The following TTC7B variants were observed in gnomAD, a reference collection of about 807,000 sequenced individuals.
The protein encoded by TTC7B is tetratricopeptide repeat domain 7B.
In TTC7B, 28 loss-of-function variants were observed where a neutral mutation model predicts 106.8. That is an observed-to-expected ratio of 0.26 (90% CI 0.19 to 0.36). TTC7B has a LOEUF of 0.36. TTC7B is among the 10% of genes least tolerant of loss of function. The pLI, the probability that TTC7B is intolerant of heterozygous loss-of-function variation, is 1.00. For synonymous variants in TTC7B, 405 were observed against 430.6 expected (o/e 0.94, Z 0.74); for missense variants, 862 against 1,076.4 (o/e 0.80, Z 2.79).
chr14:90,550,406 C>A (rs1412902951), intron 19 of TTC7B, among the ~76,000 whole-genome samples: 3 of 151,472 alleles, frequency 2.0e-5, no homozygotes, highest in Non-Finnish European at 4.4e-5. Flanking sequence ...GCACACATCC[C>A]CCTTTTGTGA....
intron 4 of TTC7B, among the ~76,000 whole-genome samples, chr14:90,735,418 G>T (rs1889480235): frequency 6.6e-6 from 1 of 151,618 alleles, no homozygotes; most frequent in South Asian, 2.1e-4. Context: ...GAGGCGGAAG[G>T]ATTGCTTAAG....
In TTC7B at chr14:90,586,965, A is replaced by G. The variant is rs888133416; in HGVS notation, c.2107+6521T>C. 2.6e-5 allele frequency among the ~76,000 whole-genome samples: 4 copies of G among 151,758 alleles called. No homozygotes were observed. The East Asian group carries it at 7.7e-4, about 29-fold the overall frequency. On this transcript the variant is annotated intron_variant, in intron 18 of 19. Coordinates refer to ENST00000328459, the MANE Select transcript of TTC7B (RefSeq NM_001010854.2). ...CTTTTCCTTCACCCCTCAACATCCAACCTACAACAAGTCCCATCAGTTCTG... is the reference window on the plus strand; with the variant it reads ...CTTTTCCTTCACCCCTCAACATCCAGCCTACAACAAGTCCCATCAGTTCTG...
chr14:90,627,349 A>G (rs1449461831), intron 15 of TTC7B, among the ~76,000 whole-genome samples: 4 of 152,104 alleles, frequency 2.6e-5, no homozygotes, highest in African/African-American at 9.7e-5. Flanking sequence ...AGGCTGGCAC[A>G]TCCGGGACAC....
intron 16 of TTC7B, among the ~76,000 whole-genome samples, chr14:90,612,438 A>C (rs546819776): frequency 6.6e-6 from 1 of 152,346 alleles, no homozygotes; most frequent in Non-Finnish European, 1.5e-5. Context: ...AATACAGTGA[A>C]ACGATGACAT....
chr14:90,680,688 T>C (rs976336316), intron 7 of TTC7B, among the ~76,000 whole-genome samples, 153 bp from the exon 8 acceptor site: 3 of 152,238 alleles, frequency 2.0e-5, no homozygotes, highest in Admixed American at 6.5e-5. Context: ...CCTATTTCTA[T>C]GGTAATCTAT....
intron 15 of TTC7B, among the ~76,000 whole-genome samples, chr14:90,631,562 C>A (rs1193461986): frequency 2.0e-5 from 3 of 151,932 alleles, no homozygotes; most frequent in Admixed American, 2.0e-4. Flanking sequence ...GCACATGTTA[C>A]CACACCCGGC....
intron 14 of TTC7B, 44 bp from the exon 15 acceptor site, chr14:90,644,252 C>A (rs769585176): frequency 2.2e-6 from 3 of 1,383,746 alleles, no homozygotes; most frequent in Non-Finnish European, 2.9e-6. Flanking sequence ...TACACACATG[C>A]ACACGCACAC....
chr14:90,604,844 C>T (rs899982447), intron 17 of TTC7B, among the ~76,000 whole-genome samples: 4 of 152,160 alleles, frequency 2.6e-5, no homozygotes, highest in Admixed American at 6.5e-5. Flanking sequence ...TCCCTAAAGC[C>T]GACTTTCAAA....
At chr14:90,634,225 T>C (rs995214710) in intron 15 of TTC7B, among the ~76,000 whole-genome samples, 1 of 152,154 alleles carries the variant, frequency 6.6e-6, no homozygotes, top group African/African-American at 2.4e-5. Flanking sequence ...AATTATTACA[T>C]AATCAGTTAA....
intron 5 of TTC7B, among the ~76,000 whole-genome samples, chr14:90,729,409 G>T (rs1889240067): frequency 6.6e-6 from 1 of 152,182 alleles, no homozygotes; most frequent in Non-Finnish European, 1.5e-5. Flanking sequence ...GCCTACGGGG[G>T]TGCTACAGAG....
chr14:90,786,600 A>T (rs1891398340), intron 1 of TTC7B, among the ~76,000 whole-genome samples: 1 of 151,048 alleles, frequency 6.6e-6, no homozygotes, highest in African/African-American at 2.4e-5. Context: ...TTTTTTTGAG[A>T]TGGAGTTTCG....
At chr14:90,567,652 T>A (rs146645323) in intron 19 of TTC7B, 9 of 152,446 alleles carry the variant, frequency 5.9e-5, no homozygotes, top group Admixed American at 1.3e-4. Context: ...AGAGTGGACA[T>A]GAAACCTTCA....
At position 90,525,338 on chromosome 14, in the gene TTC7B, T is replaced by C. The variant is rs1251254199; in HGVS notation, c.*16030A>G. 2 of 152,254 alleles carry C rather than the reference T, an allele frequency of 1.3e-5. No individual in the cohort carries two copies. The highest frequency in any genetic ancestry group is 1.3e-4 in the Admixed American group (2 of 15,292). 9.4% of individuals were successfully genotyped at this position (152,254 alleles called of 1,614,324 possible). A position where few individuals can be genotyped will look rare whatever the true frequency, so the allele number is the denominator to read the frequency against. On this transcript the variant is annotated 3_prime_UTR_variant, in exon 20 of 20. Transcript: ENST00000328459. Reference sequence around the variant, plus strand: ...TTTGATCTGTTGGTGGACATTTGGATTGTGATCAGTTTTTGGCTATTACAA... The same window carrying C: ...TTTGATCTGTTGGTGGACATTTGGACTGTGATCAGTTTTTGGCTATTACAA...
intron 4 of TTC7B, among the ~76,000 whole-genome samples, chr14:90,741,419 C>A (rs1260545208): frequency 6.6e-6 from 1 of 152,156 alleles, no homozygotes; most frequent in Non-Finnish European, 1.5e-5. Context: ...GGCCCACAGG[C>A]CCCAGCGAGC....
intron 5 of TTC7B, among the ~76,000 whole-genome samples, chr14:90,701,058 G>A (rs892836274): frequency 4.6e-5 from 7 of 151,940 alleles, no homozygotes; most frequent in Admixed American, 2.6e-4. Context: ...CTGCAGTCAG[G>A]GGCCAGGGAT....
intron 15 of TTC7B, among the ~76,000 whole-genome samples, chr14:90,619,183 C>G (rs990859809): frequency 1.3e-5 from 2 of 152,314 alleles, no homozygotes; most frequent in East Asian, 1.9e-4. Context: ...GCCACCGCTC[C>G]CAGCCCCCAA....
intron 13 of TTC7B, among the ~76,000 whole-genome samples, chr14:90,649,915 G>A (rs181396608): frequency 3.3e-4 from 47 of 143,814 alleles, no homozygotes; most frequent in African/African-American, 1.1e-3. Flanking sequence ...TCCCACCCCC[G>A]CCCCAGAGGG....
chr14:90,628,309 G>T (rs1884539867), intron 15 of TTC7B, among the ~76,000 whole-genome samples: 2 of 152,186 alleles, frequency 1.3e-5, no homozygotes, highest in Admixed American at 1.3e-4. Flanking sequence ...CTGACATTTG[G>T]GAAGCAAGTC....
At chr14:90,565,311 G>C (rs566854867) in intron 19 of TTC7B, among the ~76,000 whole-genome samples, 2 of 151,474 alleles carry the variant, frequency 1.3e-5, no homozygotes, top group African/African-American at 2.4e-5. Flanking sequence ...CTTTGTATTC[G>C]CAACTTGGCT....
Sources: allele counts gnomAD v4.1 joint callset (sites outside exome capture counted in the v4.1 genomes callset), GRCh38; gene constraint gnomAD v4.1.1; transcripts MANE v1.5; gene names NCBI Gene and HGNC (gene_info 2026-07-23, HGNC 2026-07-21).